The following ARB2A variants were observed in gnomAD, a reference collection of about 807,000 sequenced individuals.
ARB2A encodes the protein ARB2 cotranscriptional regulator A.
chr5:93,811,061 G>A, the ARB2A span, among the ~76,000 whole-genome samples: 1 of 152,042 alleles, frequency 6.6e-6, no homozygotes, highest in African/African-American at 2.4e-5. Context: ...ATTACTTCCA[G>A]GTGTAACTTA....
At chr5:94,083,548 C>A in the ARB2A span, among the ~76,000 whole-genome samples, 2 of 151,842 alleles carry the variant, frequency 1.3e-5, no homozygotes, top group African/African-American at 4.8e-5. Context: ...AAAAAACAAG[C>A]AAACAAAAAT....
the ARB2A span, among the ~76,000 whole-genome samples, chr5:93,626,887 C>T: frequency 2.6e-5 from 4 of 152,192 alleles, no homozygotes; most frequent in Non-Finnish European, 5.9e-5. Flanking sequence ...TGAAAGATTT[C>T]TCTGTAGCAT....
chr5:93,937,573 C>T, the ARB2A span, among the ~76,000 whole-genome samples: 2 of 151,766 alleles, frequency 1.3e-5, no homozygotes, highest in African/African-American at 4.8e-5. Context: ...GATTGCGCCA[C>T]TGCACTCCAG....
At chr5:93,742,594 T>C in the ARB2A span, among the ~76,000 whole-genome samples, 1 of 152,140 alleles carries the variant, frequency 6.6e-6, no homozygotes, top group African/African-American at 2.4e-5. Context: ...ACAATGACCT[T>C]GGCTAGACAA....
At chr5:93,857,384 A>G in the ARB2A span, among the ~76,000 whole-genome samples, 1 of 152,202 alleles carries the variant, frequency 6.6e-6, no homozygotes, top group African/African-American at 2.4e-5. Flanking sequence ...CCCTGCCCCC[A>G]GAGATGGAGC....
the ARB2A span, among the ~76,000 whole-genome samples, chr5:94,046,664 T>C: frequency 2.6e-5 from 4 of 152,194 alleles, no homozygotes; most frequent in East Asian, 7.7e-4. Flanking sequence ...AAGTAGTACA[T>C]TTAAAGGCAG....
the ARB2A span, among the ~76,000 whole-genome samples, chr5:93,988,373 G>C: frequency 1.3e-5 from 2 of 152,008 alleles, no homozygotes; most frequent in East Asian, 1.9e-4. Flanking sequence ...TCTCATTCTC[G>C]TTTTGTAGCC....
the ARB2A span, among the ~76,000 whole-genome samples, chr5:93,635,887 C>T: frequency 0.2 from 31,135 of 152,066 alleles, 4,644 homozygotes; most frequent in African/African-American, 0.41. Flanking sequence ...TAAATGTTTG[C>T]AAATGTTTAT....
At chr5:94,029,021 T>A in the ARB2A span, among the ~76,000 whole-genome samples, 1 of 152,190 alleles carries the variant, frequency 6.6e-6, no homozygotes, top group Non-Finnish European at 1.5e-5. Flanking sequence ...TATTTTGTTT[T>A]GTTTGAGATA....
chr5:93,847,641 T>C, the ARB2A span, among the ~76,000 whole-genome samples: 1 of 152,206 alleles, frequency 6.6e-6, no homozygotes, highest in Admixed American at 6.5e-5. Context: ...GCAGCTAACA[T>C]TTATCAGGTA....
At chr5:93,923,649 C>T in the ARB2A span, among the ~76,000 whole-genome samples, 6 of 152,040 alleles carry the variant, frequency 3.9e-5, no homozygotes, top group Non-Finnish European at 5.9e-5. Flanking sequence ...ATCTCTACTA[C>T]AAATTAAAAA....
chr5:93,854,354 T>C, the ARB2A span, among the ~76,000 whole-genome samples: 1 of 152,164 alleles, frequency 6.6e-6, no homozygotes, highest in African/African-American at 2.4e-5. Flanking sequence ...TCTTTTCTTC[T>C]TTATTAGTCT....
chr5:93,769,906 G>A, the ARB2A span, among the ~76,000 whole-genome samples: 5 of 152,316 alleles, frequency 3.3e-5, no homozygotes, highest in East Asian at 9.6e-4. Context: ...GTTACACTCA[G>A]TAGCAAGTTC....
At chr5:93,743,810 GCGCCTGCCACCA>G in the ARB2A span, among the ~76,000 whole-genome samples, 2 of 151,990 alleles carry the variant, frequency 1.3e-5, no homozygotes, top group African/African-American at 4.8e-5. Context: ...GGGATTACAG[GCGCCTGCCACCA>G]CGCCTGGCTA....
the ARB2A span, among the ~76,000 whole-genome samples, chr5:94,068,485 A>G: frequency 6.6e-6 from 1 of 152,212 alleles, no homozygotes; most frequent in Non-Finnish European, 1.5e-5. Flanking sequence ...GATTTAATAG[A>G]GTGAAAACAG....
At chr5:93,959,028 T>A in the ARB2A span, 3 of 1,163,772 alleles carry the variant, frequency 2.6e-6, no homozygotes, top group Admixed American at 2.9e-5. Context: ...TACACATAAA[T>A]GAAAAAACAA....
At chr5:93,887,737 G>A in the ARB2A span, among the ~76,000 whole-genome samples, 16 of 151,730 alleles carry the variant, frequency 1.1e-4, no homozygotes, top group Admixed American at 3.3e-4. Context: ...TAACAAAACA[G>A]TTATAAAATA....
the ARB2A span, among the ~76,000 whole-genome samples, chr5:93,878,045 A>C: frequency 6.7e-6 from 1 of 149,218 alleles, no homozygotes; most frequent in Non-Finnish European, 1.5e-5. Context: ...GAAAATATAT[A>C]GTTCAAGGTA....
chr5:93,699,319 C>T, the ARB2A span, among the ~76,000 whole-genome samples: 1 of 152,160 alleles, frequency 6.6e-6, no homozygotes, highest in African/African-American at 2.4e-5. Context: ...ATAGGTAAGG[C>T]TTGGTACAGA....
Sources: allele counts gnomAD v4.1 joint callset (sites outside exome capture counted in the v4.1 genomes callset), GRCh38; gene constraint gnomAD v4.1.1; transcripts MANE v1.5; gene names NCBI Gene and HGNC (gene_info 2026-07-23, HGNC 2026-07-21).